Variants in CRIM1 observed in about 807,000 individuals in gnomAD.
The protein encoded by CRIM1 is cysteine-rich motor neuron 1 protein.
CRIM1 carries 32 observed loss-of-function variants against 116.4 expected under a neutral mutation model. The observed-to-expected ratio is 0.27, with a 90% CI of 0.21 to 0.37. CRIM1 has a LOEUF of 0.37. CRIM1 is among the 10% of genes least tolerant of loss of function. The probability of loss-of-function intolerance (pLI) is 1.00; values close to 1 mark genes in which losing one functional copy is unlikely to be tolerated. For synonymous variants in CRIM1, 590 were observed against 509.2 expected (o/e 1.16, Z -2.13); for missense variants, 1,331 against 1,354.8 (o/e 0.98, Z 0.28).
chr2:36,446,950 C>G (rs1676292426), intron 4 of CRIM1, among the ~76,000 whole-genome samples: 1 of 152,198 alleles, frequency 6.6e-6, no homozygotes, highest in Non-Finnish European at 1.5e-5. Flanking sequence ...ACAACAGAAA[C>G]TTAAAAGACA....
intron 7 of CRIM1, among the ~76,000 whole-genome samples, chr2:36,480,768 G>C (rs1019669786): frequency 2.6e-5 from 4 of 152,070 alleles, no homozygotes; most frequent in African/African-American, 9.7e-5. Flanking sequence ...TGTCATTACT[G>C]TACTCAGAGT....
At chr2:36,414,246 T>G (rs185143645) in intron 2 of CRIM1, among the ~76,000 whole-genome samples, 6 of 152,200 alleles carry the variant, frequency 3.9e-5, no homozygotes, top group Non-Finnish European at 5.9e-5. Flanking sequence ...CAAATCCTTA[T>G]AGCCTTAAAA....
chr2:36,464,779 G>T (rs1180879953), intron 5 of CRIM1, 124 bp downstream of exon 5: 8 of 1,167,866 alleles, frequency 6.9e-6, no homozygotes, highest in Middle Eastern at 2.2e-4. Flanking sequence ...TTGCTGAAGG[G>T]CACTCAAAAA....
At position 36,434,186 on chromosome 2, in the gene CRIM1, T is replaced by G. The variant is rs539002017; in HGVS notation, c.506-7072T>G. ...TACGTATTACATTTGTAATAAAAGT[T>G]TTAAGAACAAAGTAATGCTGAATAT... On this transcript the variant is annotated intron_variant, in intron 2 of 16. Coordinates refer to ENST00000280527, the MANE Select transcript of CRIM1 (RefSeq NM_016441.3). Among the ~76,000 whole-genome samples the G allele has an allele frequency of 1.6e-4, 25 of 152,326 alleles. No homozygotes were observed. The South Asian group carries it at 4.1e-3, about 25-fold the overall frequency.
chr2:36,388,790 A>G (rs1483907072), intron 1 of CRIM1, among the ~76,000 whole-genome samples: 1 of 148,412 alleles, frequency 6.7e-6, no homozygotes, highest in African/African-American at 2.5e-5. Flanking sequence ...GAAACATGAA[A>G]CTGGTGCTTC....
At chr2:36,538,705 G>A (rs969398064) in intron 14 of CRIM1, among the ~76,000 whole-genome samples, 16 of 152,160 alleles carry the variant, frequency 1.1e-4, no homozygotes, top group South Asian at 2.1e-4. Flanking sequence ...AGGTAAGGGG[G>A]TGGAACCATT....
chr2:36,538,471 A>G (rs1207066311), intron 14 of CRIM1, among the ~76,000 whole-genome samples: 1 of 152,162 alleles, frequency 6.6e-6, no homozygotes, highest in Non-Finnish European at 1.5e-5. Flanking sequence ...TCGCAGCATT[A>G]TATTAGAGAA....
chr2:36,516,580 C>G (rs1300246320), intron 11 of CRIM1, among the ~76,000 whole-genome samples: 1 of 152,216 alleles, frequency 6.6e-6, no homozygotes, highest in African/African-American at 2.4e-5. Flanking sequence ...ATTTACCTCT[C>G]TTCATGATGA....
intron 1 of CRIM1, among the ~76,000 whole-genome samples, chr2:36,364,902 A>G (rs2148287596): frequency 6.6e-6 from 1 of 152,272 alleles, no homozygotes; most frequent in East Asian, 1.9e-4. Context: ...TTTTAAAATA[A>G]TATTAATTTT....
intron 2 of CRIM1, among the ~76,000 whole-genome samples, chr2:36,424,880 G>A (rs1023698907): frequency 4.6e-5 from 7 of 152,084 alleles, no homozygotes; most frequent in African/African-American, 1.7e-4. Flanking sequence ...ATAACAGATT[G>A]CCTGCAGTCA....
chr2:36,517,592 T>C (rs758059455), intron 12 of CRIM1, 50 bp downstream of exon 12: 27 of 1,562,828 alleles, frequency 1.7e-5, no homozygotes, highest in Non-Finnish European at 2.3e-5. Context: ...GATGCAGCTC[T>C]GGGTGTTGTC....
intron 2 of CRIM1, among the ~76,000 whole-genome samples, chr2:36,415,842 A>C (rs940319902): frequency 3.3e-5 from 5 of 152,194 alleles, no homozygotes; most frequent in Non-Finnish European, 5.9e-5. Flanking sequence ...TGTGCCTGCC[A>C]ATATCCTCTG....
rs140732031 is a variant in CRIM1, at chr2:36,479,622, G to A, written c.1300G>A (p.Val434Ile). Reference sequence around the variant, plus strand: ...GTGCGTCAACGGTGAACGCCACTGCGTTGCGACCGTCTGCGGACAGACCTG... The same window carrying A: ...GTGCGTCAACGGTGAACGCCACTGCATTGCGACCGTCTGCGGACAGACCTG... ...CQCVNGERHCVATVCGQTCTN... is the reference protein window; with the variant it reads ...CQCVNGERHCIATVCGQTCTN... The change falls in exon 7 of 17, where the codon GTT becomes ATT. Residue 434 changes from valine to isoleucine, a missense_variant. Physicochemically the swap from Val to Ile is conservative, Grantham distance 29 (BLOSUM62 3). This residue lies in a region of CRIM1 where 690 missense variants were observed against 676.0 expected (regional missense o/e 1.02). Coordinates refer to ENST00000280527, the MANE Select transcript of CRIM1 (RefSeq NM_016441.3). The A allele has an allele frequency of 5.7e-5, 92 of 1,614,224 alleles. No homozygotes were observed. Among genetic ancestry groups the A allele is most frequent in the African/African-American group, 3.5e-4 (26 of 75,062 alleles).
chr2:36,408,561 C>T (rs964126325), intron 2 of CRIM1, among the ~76,000 whole-genome samples: 5 of 152,216 alleles, frequency 3.3e-5, no homozygotes, highest in Non-Finnish European at 4.4e-5. Flanking sequence ...GAGCTCCCTT[C>T]CCTCTAAGGG....
intron 1 of CRIM1, among the ~76,000 whole-genome samples, chr2:36,386,234 CATT>C (rs966593872): frequency 6.6e-6 from 1 of 152,152 alleles, no homozygotes; most frequent in African/African-American, 2.4e-5. Context: ...ACGTGTGTCA[CATT>C]ATCTAATTAT....
chr2:36,495,475 A>ATTTT (rs1024205619), intron 7 of CRIM1, among the ~76,000 whole-genome samples: 216 of 129,430 alleles, frequency 1.7e-3, no homozygotes, highest in South Asian at 2.3e-3. Flanking sequence ...TTATTTATTT[A>ATTTT]TTTTTTTTTT....
At chr2:36,362,245 T>C (rs1669273298) in intron 1 of CRIM1, among the ~76,000 whole-genome samples, 1 of 152,154 alleles carries the variant, frequency 6.6e-6, no homozygotes, top group African/African-American at 2.4e-5. Context: ...GTGAAATATA[T>C]GGATAAAATT....
chr2:36,402,273 A>G (rs980892658), intron 2 of CRIM1, among the ~76,000 whole-genome samples: 4 of 152,196 alleles, frequency 2.6e-5, no homozygotes, highest in African/African-American at 7.2e-5. Context: ...GACATATTCT[A>G]TGAAGGAAGG....
rs755797270 is a variant in CRIM1 at position 36,512,305 on chromosome 2, G to T, written c.1691G>T (p.Cys564Phe). ...AAGCACGGCTGTGACATCTGTCGCTGTAAGAAATGTCCAGAGCTCTCATGC... is the reference window on the plus strand; with the variant it reads ...AAGCACGGCTGTGACATCTGTCGCTTTAAGAAATGTCCAGAGCTCTCATGC... ...KNKHGCDICR[C>F]KKCPELSCSK... The change falls in exon 10 of 17, where the codon TGT becomes TTT. Residue 564 changes from cysteine to phenylalanine, a missense_variant. Transcript: ENST00000280527. The T allele has an allele frequency of 1.2e-6, 2 of 1,613,756 alleles. No individual in the cohort carries two copies. Among genetic ancestry groups the T allele is most frequent in the Non-Finnish European group, 1.7e-6 (2 of 1,179,632 alleles).
Sources: allele counts gnomAD v4.1 joint callset (sites outside exome capture counted in the v4.1 genomes callset), GRCh38; gene constraint gnomAD v4.1.1; regional missense constraint gnomAD v4.1.1; transcripts MANE v1.5; gene names NCBI Gene and HGNC (gene_info 2026-07-23, HGNC 2026-07-21).